Variants in BRF1 observed in about 807,000 individuals in gnomAD.
BRF1 encodes the protein transcription factor IIIB 90 kDa subunit.
BRF1 carries 59 observed loss-of-function variants against 81.7 expected under a neutral mutation model. The ratio of observed to expected loss-of-function variants is 0.72; its 90% CI spans 0.59 to 0.90. The LOEUF is 0.90. Ranked by LOEUF, BRF1 falls within the 40% of genes least tolerant of loss-of-function variation. The pLI, the probability that BRF1 is intolerant of heterozygous loss-of-function variation, is 0.00. For synonymous variants in BRF1, 491 were observed against 395.6 expected, an observed-to-expected ratio of 1.24 and a Z score of -2.86; for missense variants, 1,050 against 936.3, an observed-to-expected ratio of 1.12 and a Z score of -1.58.
chr14:105,285,235 G>A (rs1303011124), intron 2 of BRF1, among the ~76,000 whole-genome samples: 1 of 152,230 alleles, frequency 6.6e-6, no homozygotes, highest in Non-Finnish European at 1.5e-5. Context: ...AGAGCAGTTA[G>A]AGGACTCACA....
rs1199487085 is a variant in BRF1 at position 105,284,331 on chromosome 14, A to G, written c.265+1965T>C. Reference sequence around the variant, plus strand: ...CACAGCAGGACAAGGAAAAAAGCACAAGGGAAGCGTAAGGATCCATCCACT... The same window carrying G: ...CACAGCAGGACAAGGAAAAAAGCACGAGGGAAGCGTAAGGATCCATCCACT... On this transcript the variant is annotated intron_variant, in intron 2 of 17. Coordinates refer to ENST00000547530, the MANE Select transcript of BRF1 (RefSeq NM_001519.4). This position sits in a 1 kb window ranked among gnomAD's most constrained non-coding sequence, Gnocchi z 4.0. 1.3e-5 allele frequency among the ~76,000 whole-genome samples: 2 copies of G among 152,164 alleles called. No homozygotes were observed. Among genetic ancestry groups the G allele is most frequent in the Non-Finnish European group, 2.9e-5 (2 of 68,026 alleles).
At chr14:105,302,295 C>T (rs2140620561), upstream of BRF1, among the ~76,000 whole-genome samples, 1 of 151,476 alleles carries the variant, frequency 6.6e-6, no homozygotes, top group Admixed American at 6.6e-5. Context: ...CCTCTGCCTC[C>T]TGGGTTTAAG....
chr14:105,253,729 G>A (rs1229750890), intron 4 of BRF1, among the ~76,000 whole-genome samples: 5 of 152,212 alleles, frequency 3.3e-5, no homozygotes, highest in Admixed American at 2.0e-4. Context: ...ATCCACCCCA[G>A]TGGGGCGCAG....
At chr14:105,251,957 AAC>A (rs2055641453) in intron 5 of BRF1, among the ~76,000 whole-genome samples, 1 of 152,086 alleles carries the variant, frequency 6.6e-6, no homozygotes, top group Non-Finnish European at 1.5e-5. Flanking sequence ...ACTCGCACAC[AAC>A]ACAGAACAAA....
chr14:105,218,340 C>G (rs1017690645), intron 14 of BRF1, among the ~76,000 whole-genome samples: 2 of 152,186 alleles, frequency 1.3e-5, no homozygotes, highest in African/African-American at 4.8e-5. Flanking sequence ...GACCTTCCTG[C>G]GTGGCCCAGC....
chr14:105,217,295 G>T (rs1192018996), intron 15 of BRF1: 6 of 610,474 alleles, frequency 9.8e-6, no homozygotes, highest in Non-Finnish European at 2.8e-6. Flanking sequence ...ACAAAACAGA[G>T]CCTAGGCTGC....
intron 6 of BRF1, 116 bp from the exon 7 acceptor site, chr14:105,229,029 T>A: frequency 1.1e-6 from 1 of 923,838 alleles, no homozygotes; most frequent in Admixed American, 1.7e-5. Flanking sequence ...TGAGAAGACG[T>A]GTCTGTGCCA....
chr14:105,284,564 A>G lies in BRF1; in HGVS notation c.265+1732T>C, dbSNP rs587712179. On this transcript the variant is annotated intron_variant, in intron 2 of 17. Coordinates refer to ENST00000547530, the MANE Select transcript of BRF1 (RefSeq NM_001519.4). The surrounding 1 kb of genome is among the most constrained non-coding windows in gnomAD (Gnocchi z 4.0). Reference sequence around the variant, plus strand: ...CCGACCACCTTCCAGCATCCACACTAAGGCTGCAGGACATGGCTGCACCGA... The same window carrying G: ...CCGACCACCTTCCAGCATCCACACTGAGGCTGCAGGACATGGCTGCACCGA... 3.3e-5 allele frequency among the ~76,000 whole-genome samples: 5 copies of G among 152,292 alleles called. No homozygotes were observed. In the East Asian group the frequency reaches 9.6e-4, roughly 29 times the overall value.
chr14:105,264,678 A>AG (rs1256012438), intron 3 of BRF1, among the ~76,000 whole-genome samples: 4 of 151,042 alleles, frequency 2.6e-5, no homozygotes, highest in Non-Finnish European at 5.9e-5. Flanking sequence ...AAAAAAAAAA[A>AG]AAAAAAAAAA....
At chr14:105,253,414 C>T (rs1274405484) in intron 4 of BRF1, among the ~76,000 whole-genome samples, 1 of 152,238 alleles carries the variant, frequency 6.6e-6, no homozygotes, top group Admixed American at 6.5e-5. Context: ...GCCCCCGGGC[C>T]TCACAGGCTT....
Position 105,271,476 on chromosome 14 carries a change from A to C in BRF1, c.439+1245T>G, listed in dbSNP as rs587656627. 6.6e-6 allele frequency among the ~76,000 whole-genome samples: 1 copy of C among 152,316 alleles called. No individual in the cohort carries two copies. The highest frequency in any genetic ancestry group is 2.4e-5 in the African/African-American group (1 of 41,582). On this transcript the variant is annotated intron_variant, in intron 3 of 17. Coordinates refer to ENST00000547530, the MANE Select transcript of BRF1 (RefSeq NM_001519.4). This position sits in a 1 kb window ranked among gnomAD's most constrained non-coding sequence, Gnocchi z 5.5. Reference sequence around the variant, plus strand: ...TGGCCGGGCACGCCACGCCCACCAGACACAGGGCAGGGAGGGGGACCACCT... The same window carrying C: ...TGGCCGGGCACGCCACGCCCACCAGCCACAGGGCAGGGAGGGGGACCACCT...
At chr14:105,305,147 T>C (rs749490167), upstream of BRF1, among the ~76,000 whole-genome samples, 1 of 152,172 alleles carries the variant, frequency 6.6e-6, no homozygotes, top group Non-Finnish European at 1.5e-5. Context: ...ACATCTGTGA[T>C]CTCAGCACTT....
intron 4 of BRF1, among the ~76,000 whole-genome samples, chr14:105,253,095 GC>G (rs1488121940): frequency 1.3e-5 from 2 of 152,226 alleles, no homozygotes; most frequent in East Asian, 3.8e-4. Flanking sequence ...CCCTGCCTCG[GC>G]TATCTGCCAT....
At chr14:105,213,110 C>T (rs1473755816) in intron 15 of BRF1, 2 of 152,380 alleles carry the variant, frequency 1.3e-5, no homozygotes, top group African/African-American at 4.8e-5. Flanking sequence ...AGCCTGACAG[C>T]TGCTGCTCCG....
intron 7 of BRF1, among the ~76,000 whole-genome samples, chr14:105,228,612 G>A (rs1029171548): frequency 1.3e-5 from 2 of 152,048 alleles, no homozygotes; most frequent in African/African-American, 4.8e-5. Flanking sequence ...GGCCCCAGAA[G>A]GACTAGCAGG....
rs780339624 is a variant in BRF1 at position 105,219,034 on chromosome 14, C to T, written c.1479G>A (p.Ala493=). 1.5e-5 allele frequency: 25 copies of T among 1,613,760 alleles called. No homozygotes were observed. The highest frequency in any genetic ancestry group is 1.6e-4 in the Middle Eastern group (1 of 6,074). ...TGTAGATGCCGAGCTCCTTCTCTTT[C>T]GCTATTCTTGCTTCTTTTTCTAAAA... ...REQREKEARI[A]KEKELGIYKE... is the part of the protein sequence containing the mutation. Residue 493 remains alanine, a synonymous_variant, in exon 14 of 18, where the codon GCG becomes GCA. Transcript: ENST00000547530.
At chr14:105,275,933 A>G (rs1324925204) in intron 2 of BRF1, among the ~76,000 whole-genome samples, 1 of 150,654 alleles carries the variant, frequency 6.6e-6, no homozygotes, top group African/African-American at 2.4e-5. Context: ...GGCGGCCCTC[A>G]CTAGAGAGCT....
At chr14:105,229,669 C>T (rs373286672) in intron 6 of BRF1, among the ~76,000 whole-genome samples, 319 of 149,876 alleles carry the variant, frequency 2.1e-3, no homozygotes, top group Middle Eastern at 3.5e-3. Context: ...AGCCCCGTGG[C>T]ACCCTCAGGA....
chr14:105,211,884 G>C, intron 16 of BRF1: 1 of 610,042 alleles, frequency 1.6e-6, no homozygotes, highest in Non-Finnish European at 2.9e-6. Context: ...CGAGCGCTGA[G>C]CAGCAGGCAC....
Sources: gnomAD v4.1 joint callset for allele counts (sites outside exome capture counted in the v4.1 genomes callset) on GRCh38, gnomAD v4.1.1 for gene constraint, Gnocchi (gnomAD v3.1) non-coding constraint, MANE v1.5 for transcripts, NCBI Gene and HGNC (gene_info 2026-07-23, HGNC 2026-07-21) for gene names.